The following TUSC3 variants were observed in gnomAD, a reference collection of about 807,000 sequenced individuals.
The protein encoded by TUSC3 is dolichyl-diphosphooligosaccharide--protein glycosyltransferase subunit TUSC3.
In TUSC3, 45 loss-of-function variants were observed where a neutral mutation model predicts 44.8. That is an observed-to-expected ratio of 1.00 (90% CI 0.79 to 1.29). The LOEUF is 1.29. Among genes scored for constraint, TUSC3 ranks in the 50% most tolerant of loss-of-function variants. The pLI, the probability that TUSC3 is intolerant of heterozygous loss-of-function variation, is 0.00. For missense variants in TUSC3, 519 were observed against 437.9 expected, an observed-to-expected ratio of 1.19 and a Z score of -1.65; for synonymous variants, 212 against 152.9, an observed-to-expected ratio of 1.39 and a Z score of -2.85.
At chr8:15,690,465 T>C (rs928765289) in intron 6 of TUSC3, among the ~76,000 whole-genome samples, 1 of 152,210 alleles carries the variant, frequency 6.6e-6, no homozygotes, top group Non-Finnish European at 1.5e-5. Context: ...GTTTATGCTG[T>C]TGATAACTTC....
chr8:15,650,014 A>G (rs1193440271), intron 2 of TUSC3, among the ~76,000 whole-genome samples: 1 of 152,184 alleles, frequency 6.6e-6, no homozygotes, highest in Non-Finnish European at 1.5e-5. Context: ...CTGTTCCTAC[A>G]TAAAGTTTTA....
chr8:15,431,404 T>G (rs1480725512), intron 1 of TUSC3, among the ~76,000 whole-genome samples: 1 of 151,828 alleles, frequency 6.6e-6, no homozygotes, highest in Non-Finnish European at 1.5e-5. Context: ...CTTCCGTGTT[T>G]AAATTTATTT....
At chr8:15,779,371 A>G in the TUSC3 span, among the ~76,000 whole-genome samples, 12 of 152,090 alleles carry the variant, frequency 7.9e-5, no homozygotes, top group African/African-American at 2.7e-4. Context: ...CCCAGCCCAC[A>G]TATGCACTTT....
intron 8 of TUSC3, among the ~76,000 whole-genome samples, chr8:15,744,727 AATTTT>A (rs967400970): frequency 6.6e-6 from 1 of 152,072 alleles, no homozygotes; most frequent in African/African-American, 2.4e-5. Context: ...TATCATGTTG[AATTTT>A]ATTTATTTAT....
intron 2 of TUSC3, among the ~76,000 whole-genome samples, chr8:15,626,864 G>C (rs895518616): frequency 7.2e-5 from 11 of 152,218 alleles, no homozygotes; most frequent in African/African-American, 2.4e-4. Context: ...TTGGCCTGCA[G>C]GTGCCCCTTG....
intron 2 of TUSC3, among the ~76,000 whole-genome samples, chr8:15,644,137 G>T (rs563291311): frequency 6.6e-6 from 1 of 152,174 alleles, no homozygotes; most frequent in African/African-American, 2.4e-5. Flanking sequence ...CTTTTAAAAA[G>T]CATTATAACA....
At chr8:15,489,505 T>C (rs1488682643) in intron 2 of TUSC3, among the ~76,000 whole-genome samples, 1 of 152,198 alleles carries the variant, frequency 6.6e-6, no homozygotes, top group Non-Finnish European at 1.5e-5. Flanking sequence ...AAGAGGTTTC[T>C]CTGCAGAATA....
the TUSC3 span, among the ~76,000 whole-genome samples, chr8:15,823,338 C>T: frequency 3.9e-5 from 6 of 152,066 alleles, no homozygotes; most frequent in Admixed American, 2.6e-4. Context: ...TCAGTTTTGT[C>T]TTATGTGAAT....
At chr8:15,651,242 G>A (rs547427479) in intron 3 of TUSC3, among the ~76,000 whole-genome samples, 23 of 152,174 alleles carry the variant, frequency 1.5e-4, no homozygotes, top group African/African-American at 5.5e-4. Context: ...TTAATTATAG[G>A]TGGTAGTGTA....
intron 2 of TUSC3, among the ~76,000 whole-genome samples, chr8:15,648,986 T>TCCATGAAA (rs1806763103): frequency 6.6e-6 from 1 of 152,002 alleles, no homozygotes; most frequent in Non-Finnish European, 1.5e-5. Flanking sequence ...TCTGCCAGCA[T>TCCATGAAA]CCATGAAACA....
intron 1 of TUSC3, among the ~76,000 whole-genome samples, chr8:15,435,551 G>C (rs1006057990): frequency 6.6e-6 from 1 of 152,140 alleles, no homozygotes; most frequent in Non-Finnish European, 1.5e-5. Context: ...GTACTGGACT[G>C]TTTCCAATTT....
intron 6 of TUSC3, among the ~76,000 whole-genome samples, chr8:15,714,059 C>G (rs1809967900): frequency 6.6e-6 from 1 of 152,284 alleles, no homozygotes; most frequent in African/African-American, 2.4e-5. Flanking sequence ...CTACAGACGT[C>G]TTACACAATT....
At chr8:15,845,279 G>T in the TUSC3 span, among the ~76,000 whole-genome samples, 11 of 152,096 alleles carry the variant, frequency 7.2e-5, no homozygotes, top group African/African-American at 2.7e-4. Context: ...CCTGCGCAAG[G>T]CACGTGAATT....
chr8:15,735,038 G>C (rs548078838), intron 7 of TUSC3, among the ~76,000 whole-genome samples: 1 of 152,276 alleles, frequency 6.6e-6, no homozygotes, highest in South Asian at 2.1e-4. Flanking sequence ...AGTATTATGA[G>C]GTTGAGCCCC....
chr8:15,527,488 A>G lies in TUSC3; in HGVS notation n.189+44005A>G, dbSNP rs570738537. Among the ~76,000 whole-genome samples, 4 of 152,306 alleles carry G rather than the reference A, an allele frequency of 2.6e-5. No homozygotes were observed. The South Asian group carries it at 8.3e-4, about 32-fold the overall frequency. On this transcript the variant is annotated intron_variant and non_coding_transcript_variant, in intron 2 of 5. Transcript: ENST00000503191. ...TGCCCCGGCCTCCCAAAGTGCTGGG[A>G]TTACAGATGTGAGTCACTGTGCCCG... is the stretch of plus-strand genomic sequence containing the variant.
intron 6 of TUSC3, among the ~76,000 whole-genome samples, chr8:15,702,606 A>G (rs1053725492): frequency 6.6e-6 from 1 of 151,778 alleles, no homozygotes; most frequent in Non-Finnish European, 1.5e-5. Flanking sequence ...GTGTCTCCCT[A>G]TCCTGGTTTC....
chr8:15,641,074 G>C (rs1044835164), intron 2 of TUSC3, among the ~76,000 whole-genome samples: 1 of 152,062 alleles, frequency 6.6e-6, no homozygotes, highest in South Asian at 2.1e-4. Context: ...GAAAAGCTAG[G>C]TTGAGGCCGG....
chr8:15,476,730 A>T (rs1206832638), intron 1 of TUSC3, among the ~76,000 whole-genome samples: 1 of 152,216 alleles, frequency 6.6e-6, no homozygotes, highest in Non-Finnish European at 1.5e-5. Context: ...ATAGGGGCTC[A>T]AGAGCCTGGT....
chr8:15,491,890 G>A (rs768615908), intron 2 of TUSC3, among the ~76,000 whole-genome samples: 3 of 152,076 alleles, frequency 2.0e-5, no homozygotes, highest in Non-Finnish European at 4.4e-5. Context: ...TAATGCATTC[G>A]CTGTTCCACA....
Sources: allele counts gnomAD v4.1 joint callset (sites outside exome capture counted in the v4.1 genomes callset), GRCh38; gene constraint gnomAD v4.1.1; transcripts MANE v1.5; gene names NCBI Gene and HGNC (gene_info 2026-07-23, HGNC 2026-07-21).